The following ARMC8 variants were observed in gnomAD, a reference collection of about 807,000 sequenced individuals.
ARMC8 encodes armadillo repeat containing 8, also known as armadillo repeat-containing protein 8.
In ARMC8, 20 loss-of-function variants were observed where a neutral mutation model predicts 99.3. The observed-to-expected ratio is 0.20, with a 90% CI of 0.14 to 0.29. ARMC8 has a LOEUF of 0.29. Ranked by LOEUF, ARMC8 falls within the 10% of genes least tolerant of loss-of-function variation. The pLI is 1.00. For missense variants in ARMC8, 569 were observed against 809.5 expected, an observed-to-expected ratio of 0.70 and a Z score of 3.60; for synonymous variants, 263 against 278.3, an observed-to-expected ratio of 0.95 and a Z score of 0.55.
intron 1 of ARMC8, among the ~76,000 whole-genome samples, chr3:138,207,596 A>C (rs1318532381): frequency 6.6e-6 from 1 of 152,218 alleles, no homozygotes; most frequent in African/African-American, 2.4e-5. Context: ...CTATGTCAGA[A>C]AACCAGGAAA....
intron 18 of ARMC8, among the ~76,000 whole-genome samples, chr3:138,276,550 C>T (rs1015027662): frequency 6.6e-6 from 1 of 152,086 alleles, no homozygotes; most frequent in East Asian, 1.9e-4. Context: ...GCCATGGACT[C>T]ACCAAAAATT....
At chr3:138,222,639 G>C (rs2108079553) in intron 3 of ARMC8, among the ~76,000 whole-genome samples, 1 of 151,954 alleles carries the variant, frequency 6.6e-6, no homozygotes, top group Middle Eastern at 3.5e-3. Context: ...CTTATTTTCT[G>C]GTTTTGATAC....
chr3:138,293,280 G>A (rs13086546), intron 21 of ARMC8, among the ~76,000 whole-genome samples: 5 of 152,202 alleles, frequency 3.3e-5, no homozygotes, highest in African/African-American at 9.6e-5. Context: ...GGTGGCTCAC[G>A]CCTGTAATCC....
intron 21 of ARMC8, among the ~76,000 whole-genome samples, chr3:138,292,980 A>G (rs1442568638): frequency 6.6e-6 from 1 of 152,088 alleles, no homozygotes; most frequent in Non-Finnish European, 1.5e-5. Context: ...TATCCTTCAA[A>G]ACTCATATCA....
At chr3:138,268,581 A>G (rs1173739555) in intron 15 of ARMC8, among the ~76,000 whole-genome samples, 1 of 152,182 alleles carries the variant, frequency 6.6e-6, no homozygotes, top group Non-Finnish European at 1.5e-5. Flanking sequence ...ATTAACTCCC[A>G]ACCGGGGCAA....
intron 1 of ARMC8, among the ~76,000 whole-genome samples, chr3:138,203,166 C>A (rs1474611019): frequency 6.6e-6 from 1 of 152,152 alleles, no homozygotes; most frequent in African/African-American, 2.4e-5. Flanking sequence ...TAATTTGTCT[C>A]CAACAATCTT....
intron 2 of ARMC8, among the ~76,000 whole-genome samples, chr3:138,216,823 C>T (rs1448871728): frequency 6.6e-6 from 1 of 152,058 alleles, no homozygotes; most frequent in East Asian, 1.9e-4. Context: ...TAGAGTATTC[C>T]AAATATGAAG....
At chr3:138,215,418 G>C (rs1031428646) in intron 2 of ARMC8, among the ~76,000 whole-genome samples, 1 of 151,946 alleles carries the variant, frequency 6.6e-6, no homozygotes, top group Admixed American at 6.6e-5. Flanking sequence ...GGGTTTCACC[G>C]TGTTAACCAG....
intron 2 of ARMC8, among the ~76,000 whole-genome samples, chr3:138,211,605 C>T (rs781531322): frequency 4.6e-5 from 7 of 152,172 alleles, no homozygotes; most frequent in Non-Finnish European, 7.3e-5. Flanking sequence ...GTCAGCTAGA[C>T]ATAAAGAAAT....
chr3:138,253,607 G>T (rs541446623), intron 12 of ARMC8, among the ~76,000 whole-genome samples: 1 of 152,272 alleles, frequency 6.6e-6, no homozygotes, highest in South Asian at 2.1e-4. Flanking sequence ...TTAATAGTTT[G>T]TCCTAGCTGT....
intron 8 of ARMC8, 33 bp downstream of exon 8, chr3:138,237,417 T>C (rs1462015186): frequency 6.2e-7 from 1 of 1,611,526 alleles, no homozygotes; most frequent in Non-Finnish European, 8.5e-7. Context: ...ACCTACATGA[T>C]TTAATTGATG....
intron 12 of ARMC8, among the ~76,000 whole-genome samples, chr3:138,255,737 T>G (rs1220214099): frequency 6.6e-6 from 1 of 152,138 alleles, no homozygotes; most frequent in Non-Finnish European, 1.5e-5. Context: ...CCCAGCACTT[T>G]GGGAGGCCGA....
At chr3:138,293,848 A>G (rs1327370155) in intron 21 of ARMC8, among the ~76,000 whole-genome samples, 1 of 152,216 alleles carries the variant, frequency 6.6e-6, no homozygotes, top group Non-Finnish European at 1.5e-5. Flanking sequence ...TACCAGCATC[A>G]AGTGGGATAG....
At chr3:138,225,293 TAG>T (rs2045630096) in intron 5 of ARMC8, among the ~76,000 whole-genome samples, 1 of 152,088 alleles carries the variant, frequency 6.6e-6, no homozygotes, top group Admixed American at 6.6e-5. Flanking sequence ...GTGGTTTTAG[TAG>T]AGACGGGGTT....
Position 138,229,134 on chromosome 3 carries a change from G to A in ARMC8, c.528+124G>A, listed in dbSNP as rs867688205. 1.8e-3 allele frequency: 141 copies of A among 78,596 alleles called. 2 individuals are homozygous for A. Among genetic ancestry groups the A allele is most frequent in the African/African-American group, 8.8e-3 (126 of 14,300 alleles). The allele number at this position is 78,596 out of a possible 1,614,324, so 4.9% of individuals were successfully genotyped here. On this transcript the variant is annotated intron_variant, in intron 6 of 21. Transcript: ENST00000469044. ...TATAAGTAGACCTGTGTGTGTGCGTGTATATATATATATATATATATATAT... is the reference window on the plus strand; with the variant it reads ...TATAAGTAGACCTGTGTGTGTGCGTATATATATATATATATATATATATAT...
intron 21 of ARMC8, among the ~76,000 whole-genome samples, chr3:138,294,379 T>TG (rs1030116149): frequency 5.3e-5 from 8 of 152,174 alleles, no homozygotes; most frequent in African/African-American, 1.9e-4. Context: ...TTTAAGTATT[T>TG]GGGGAGTCAG....
chr3:138,256,038 G>A (rs1308315145), intron 12 of ARMC8, among the ~76,000 whole-genome samples: 1 of 152,236 alleles, frequency 6.6e-6, no homozygotes, highest in African/African-American at 2.4e-5. Context: ...TTCTTTGCTA[G>A]AGGAAAATGT....
Position 138,297,019 on chromosome 3 carries a change from C to T in ARMC8, c.*1127C>T, listed in dbSNP as rs1356569793. On this transcript the variant is annotated 3_prime_UTR_variant, in exon 22 of 22. Transcript: ENST00000469044. ...AAACTAAAGAATATTCTACAGACAC[C>T]CCTGTAGAAAGAAACAAAGAACAGG... 2 of 152,074 alleles carry T rather than the reference C, an allele frequency of 1.3e-5. No individual in the cohort carries two copies. Among genetic ancestry groups the T allele is most frequent in the Non-Finnish European group, 2.9e-5 (2 of 68,014 alleles). The allele number at this position is 152,074 out of a possible 1,614,324, so 9.4% of individuals were successfully genotyped here.
intron 7 of ARMC8, among the ~76,000 whole-genome samples, chr3:138,235,509 A>T (rs2046284969): frequency 1.3e-5 from 2 of 152,210 alleles, no homozygotes; most frequent in Admixed American, 1.3e-4. Context: ...ATACATCAGC[A>T]TTTAAAATGT....
Sources: gnomAD v4.1 joint callset for allele counts (sites outside exome capture counted in the v4.1 genomes callset) on GRCh38, gnomAD v4.1.1 for gene constraint, MANE v1.5 for transcripts, NCBI Gene and HGNC (gene_info 2026-07-23, HGNC 2026-07-21) for gene names.